The following ANPEP variants were observed in gnomAD, a reference collection of about 807,000 sequenced individuals.
ANPEP encodes aminopeptidase N.
A neutral mutation model predicts 114.6 loss-of-function variants in ANPEP; 70 were observed. That is an observed-to-expected ratio of 0.61 (90% confidence interval 0.50 to 0.75). The LOEUF (loss-of-function observed/expected upper bound fraction) is 0.75, where lower values mean the gene tolerates loss of function less well. ANPEP is among the 30% of genes least tolerant of loss of function. The probability of loss-of-function intolerance (pLI) is 0.00; values close to 1 mark genes in which losing one functional copy is unlikely to be tolerated. For synonymous variants in ANPEP, 548 were observed against 522.3 expected (o/e 1.05, Z -0.67); for missense variants, 1,184 against 1,259.5 (o/e 0.94, Z 0.91).
chr15:89,808,609 C>T (rs1465187661), intron 1 of ANPEP, among the ~76,000 whole-genome samples: 4 of 152,234 alleles, frequency 2.6e-5, no homozygotes, highest in Non-Finnish European at 5.9e-5. Flanking sequence ...GTCCCCACCC[C>T]ACACCTGCCC....
intron 15 of ANPEP, among the ~76,000 whole-genome samples, chr15:89,795,378 A>C (rs1439117): frequency 0.4 from 60,222 of 151,890 alleles, 13,971 homozygotes; most frequent in African/African-American, 0.65. Context: ...GAAAGAGATA[A>C]CTGGAAAAAG....
At position 89,806,065 on chromosome 15, in the gene ANPEP, G is replaced by T. The variant is rs760896768; in HGVS notation, c.519C>A (p.Asp173Glu). The change falls in exon 2 of 21, where the codon GAC (aspartate) becomes GAA (glutamate). Residue 173 changes from aspartate to glutamate, a missense_variant. Coordinates refer to ENST00000300060, the MANE Select transcript of ANPEP (RefSeq NM_001150.3). This position sits in a 1 kb window ranked among gnomAD's most constrained non-coding sequence, Gnocchi z 5.7. ...ACTCGCTGTCCATCTCATACTGGCT[G>T]TCCTTCACCAGGGAGCCCTTGAGGT... The part of the protein sequence containing the change: ...VVHLKGSLVK[D>E]SQYEMDSEFE... 6 of 1,613,850 alleles carry T rather than the reference G, an allele frequency of 3.7e-6. No homozygotes were observed. Among genetic ancestry groups the T allele is most frequent in the Non-Finnish European group, 5.1e-6 (6 of 1,179,894 alleles).
At position 89,799,506 on chromosome 15, in the gene ANPEP, T is replaced by A; in HGVS notation, c.1873A>T (p.Asn625Tyr). ...TTCACCCGGTAATAGCCCGTCACAT[T>A]GAGGTTCAGCAGGACCCACTCATTG... ...SGNEWVLLNL[N>Y]VTGYYRVNYD... is the part of the protein sequence containing the mutation. The change falls in exon 13 of 21, where the codon AAT (asparagine) becomes TAT (tyrosine). Residue 625 changes from asparagine (N) to tyrosine (Y), a missense_variant. Asn to Tyr is a moderately radical substitution (Grantham distance 143, BLOSUM62 -2). Coordinates refer to ENST00000300060, the MANE Select transcript of ANPEP (RefSeq NM_001150.3). This position sits in a 1 kb window ranked among gnomAD's most constrained non-coding sequence, Gnocchi z 4.2. 6.2e-7 allele frequency: 1 copy of A among 1,614,132 alleles called. No individual in the cohort carries two copies. Among genetic ancestry groups the A allele is most frequent in the Non-Finnish European group, 8.5e-7 (1 of 1,180,032 alleles).
intron 1 of ANPEP, among the ~76,000 whole-genome samples, chr15:89,807,810 C>A (rs1894745858): frequency 6.6e-6 from 1 of 152,142 alleles, no homozygotes; most frequent in Non-Finnish European, 1.5e-5. Context: ...AAATACACAC[C>A]TTACAGGAAA....
intron 1 of ANPEP, among the ~76,000 whole-genome samples, chr15:89,811,595 G>A (rs376837136): frequency 2.0e-5 from 3 of 149,592 alleles, no homozygotes; most frequent in South Asian, 4.2e-4. Flanking sequence ...GCAGTGGGCC[G>A]AAATCGTGCC....
In ANPEP at chr15:89,806,145, G is replaced by A. The variant is rs748744285; in HGVS notation, c.439C>T (p.Pro147Ser). 10 of 1,614,070 alleles carry A rather than the reference G, an allele frequency of 6.2e-6. No individual in the cohort carries two copies. The highest frequency in any genetic ancestry group is 7.6e-6 in the Non-Finnish European group (9 of 1,179,998). ...VVLRGVGGSQ[P>S]PDIDKTELVE... Reference sequence around the variant, plus strand: ...AGCTCAGTCTTGTCAATGTCGGGGGGCTGGGAGCCTCCCACACCACGCAGG... The same window carrying A: ...AGCTCAGTCTTGTCAATGTCGGGGGACTGGGAGCCTCCCACACCACGCAGG... The change falls in exon 2 of 21, where the codon CCC (proline) becomes TCC (serine). Residue 147 changes from proline to serine, a missense_variant. Coordinates refer to ENST00000300060, the MANE Select transcript of ANPEP (RefSeq NM_001150.3). The surrounding 1 kb of genome is among the most constrained non-coding windows in gnomAD (Gnocchi z 5.7).
At position 89,803,206 on chromosome 15, in the gene ANPEP, A is replaced by G; in HGVS notation, c.1569+33T>C. 6.2e-7 allele frequency: 1 copy of G among 1,605,604 alleles called. No individual in the cohort carries two copies. The highest frequency in any genetic ancestry group is 8.5e-7 in the Non-Finnish European group (1 of 1,172,244). On this transcript the variant is annotated intron_variant, in intron 10 of 20. Coordinates refer to ENST00000300060, the MANE Select transcript of ANPEP (RefSeq NM_001150.3). This position sits in a 1 kb window ranked among gnomAD's most constrained non-coding sequence, Gnocchi z 4.2. ...ACCTTCAGCATCTCAAGACCCCAAC[A>G]GGATGGCTGTGGAGGGGCTGGCTGC...
intron 15 of ANPEP, 145 bp downstream of exon 15, chr15:89,797,430 T>A (rs962614794): frequency 1.7e-6 from 2 of 1,211,926 alleles, no homozygotes; most frequent in Non-Finnish European, 2.3e-6. Flanking sequence ...GACAAGGCAA[T>A]CTTTCTTTTT....
chr15:89,803,735 G>C lies in ANPEP; in HGVS notation c.1349C>G (p.Ala450Gly). ...VYRVMAVDAL[A>G]SSHPLSTPAS... Reference sequence around the variant, plus strand: ...GGGTGTGGACAGCGGGTGGGAGGAGGCCAGTGCATCCACTGCCATCACGCG... The same window carrying C: ...GGGTGTGGACAGCGGGTGGGAGGAGCCCAGTGCATCCACTGCCATCACGCG... Residue 450 changes from alanine to glycine, a missense_variant, in exon 8 of 21, where the codon GCC becomes GGC. Coordinates refer to ENST00000300060, the MANE Select transcript of ANPEP (RefSeq NM_001150.3). The surrounding 1 kb of genome is among the most constrained non-coding windows in gnomAD (Gnocchi z 4.2). 2 of 1,612,104 alleles carry C rather than the reference G, an allele frequency of 1.2e-6. No homozygotes were observed. Among genetic ancestry groups the C allele is most frequent in the Non-Finnish European group, 1.7e-6 (2 of 1,178,694 alleles).
At chr15:89,790,827 C>T in intron 19 of ANPEP, 126 bp downstream of exon 19, 1 of 1,259,702 alleles carries the variant, frequency 7.9e-7, no homozygotes. Context: ...CCACCCTAGC[C>T]CCCAGGCTTG....
At position 89,804,268 on chromosome 15, in the gene ANPEP, A is replaced by G; in HGVS notation, c.1164T>C (p.His388=). Residue 388 remains histidine, a synonymous_variant, in exon 6 of 21, where the codon CAT becomes CAC. Coordinates refer to ENST00000300060, the MANE Select transcript of ANPEP (RefSeq NM_001150.3). Reference sequence around the variant, plus strand: ...GGGGGTCTACCTGGTGGGCCAGCTCATGAGCAATCACAGTGACCACCCGCT... The same window carrying G: ...GGGGGTCTACCTGGTGGGCCAGCTCGTGAGCAATCACAGTGACCACCCGCT... ...NKERVVTVIA[H]ELAHQWFGNL... 1 of 1,613,970 alleles carries G rather than the reference A, an allele frequency of 6.2e-7. No homozygotes were observed. Among genetic ancestry groups the G allele is most frequent in the Non-Finnish European group, 8.5e-7 (1 of 1,179,966 alleles).
chr15:89,814,417 G>A (rs550532283), intron 1 of ANPEP, among the ~76,000 whole-genome samples: 161 of 152,186 alleles, frequency 1.1e-3, no homozygotes, highest in African/African-American at 3.8e-3. Context: ...CGGCCGAGCC[G>A]GGTCCACCCG....
intron 1 of ANPEP, among the ~76,000 whole-genome samples, chr15:89,813,714 C>T (rs754118363): frequency 6.6e-6 from 1 of 152,208 alleles, no homozygotes; most frequent in Admixed American, 6.5e-5. Flanking sequence ...CCCACACGCC[C>T]ACCTCCCCTC....
intron 18 of ANPEP, among the ~76,000 whole-genome samples, chr15:89,791,642 G>A (rs1410705185): frequency 4.0e-5 from 6 of 149,528 alleles, no homozygotes; most frequent in Non-Finnish European, 5.9e-5. Flanking sequence ...TAGTAGAGAC[G>A]GGGTTTCTCC....
chr15:89,805,539 GC>G, intron 2 of ANPEP, 76 bp from the exon 3 acceptor site: 3 of 1,566,376 alleles, frequency 1.9e-6, no homozygotes, highest in Non-Finnish European at 2.6e-6. Context: ...TACCAGGCAT[GC>G]AGGGAAAGGG....
intron 1 of ANPEP, among the ~76,000 whole-genome samples, chr15:89,814,563 C>T (rs983517875): frequency 6.6e-6 from 1 of 152,218 alleles, no homozygotes; most frequent in Non-Finnish European, 1.5e-5. Context: ...CCCACTTGAC[C>T]GCGAGATCGT....
chr15:89,786,063 G>A (rs8039818), intron 20 of ANPEP, among the ~76,000 whole-genome samples: 2,505 of 152,262 alleles, frequency 0.016, 61 homozygotes, highest in African/African-American at 0.051. Context: ...CTGCAAGGTT[G>A]CAGGATACAA....
In ANPEP at chr15:89,801,142, C is replaced by G. The variant is rs368618339; in HGVS notation, c.1788G>C (p.Gln596His). ...VPITSIRDGR[Q>H]QQDYWLIDVR... ...CATCTATCAGCCAGTAGTCCTGCTG[C>G]TGTCTGCCATCTCTGATGGATGTGA... is the stretch of plus-strand genomic sequence containing the variant. The change falls in exon 12 of 21, where the codon CAG becomes CAC. Residue 596 changes from glutamine (Q) to histidine (H), a missense_variant. Transcript: ENST00000300060. 2 of 1,614,056 alleles carry G rather than the reference C, an allele frequency of 1.2e-6. No homozygotes were observed. The highest frequency in any genetic ancestry group is 1.3e-5 in the African/African-American group (1 of 74,924).
At chr15:89,790,044 G>A (rs1483954603) in intron 20 of ANPEP, among the ~76,000 whole-genome samples, 3 of 142,530 alleles carry the variant, frequency 2.1e-5, no homozygotes, top group East Asian at 2.0e-4. Context: ...GGGTGACAGA[G>A]CAAGACTCCA....
Sources: gnomAD v4.1 joint callset for allele counts (sites outside exome capture counted in the v4.1 genomes callset) on GRCh38, gnomAD v4.1.1 for gene constraint, Gnocchi (gnomAD v3.1) non-coding constraint, MANE v1.5 for transcripts, NCBI Gene and HGNC (gene_info 2026-07-23, HGNC 2026-07-21) for gene names.